The following PIP5K1A variants were observed in gnomAD, a reference collection of about 807,000 sequenced individuals.
PIP5K1A encodes the protein phosphatidylinositol-4-phosphate 5-kinase type 1 alpha, also known as phosphatidylinositol 4-phosphate 5-kinase type-1 alpha.
A neutral mutation model predicts 72.9 loss-of-function variants in PIP5K1A; 46 were observed. That is an observed-to-expected ratio of 0.63 (90% confidence interval 0.50 to 0.81). PIP5K1A has a LOEUF of 0.81. Ranked by LOEUF, PIP5K1A falls within the 30% of genes least tolerant of loss-of-function variation. The pLI, the probability that PIP5K1A is intolerant of heterozygous loss-of-function variation, is 0.00. For missense variants in PIP5K1A, 458 were observed against 706.1 expected, an observed-to-expected ratio of 0.65 and a Z score of 3.98; for synonymous variants, 228 against 255.1, an observed-to-expected ratio of 0.89 and a Z score of 1.01.
intron 1 of PIP5K1A, among the ~76,000 whole-genome samples, chr1:151,212,263 A>C (rs78687832): frequency 0.016 from 2,364 of 152,302 alleles, 70 homozygotes; most frequent in African/African-American, 0.054. Context: ...AAACCATCTT[A>C]AAGTTCAGCT....
rs893371029 is a variant in PIP5K1A at position 151,209,728 on chromosome 1, C to T, written c.85+10647C>T. On this transcript the variant is annotated intron_variant, in intron 1 of 15. Transcript: ENST00000368888. The stretch of plus-strand genomic sequence containing the variant: ...TGCTGGGATTACAGGTGTGAGCCAC[C>T]GTGCCCCGCCTGTATTGTTAGTAGA... 5.4e-5 allele frequency among the ~76,000 whole-genome samples: 8 copies of T among 149,362 alleles called. 1 individual carries two copies. Among genetic ancestry groups the T allele is most frequent in the African/African-American group, 1.2e-4 (5 of 40,562 alleles).
chr1:151,247,659 C>T (rs934525652), intron 15 of PIP5K1A, among the ~76,000 whole-genome samples: 6 of 152,124 alleles, frequency 3.9e-5, no homozygotes, highest in Admixed American at 6.6e-5. Context: ...CTCCTGACCT[C>T]GTGATCCACC....
chr1:151,232,555 C>A lies in PIP5K1A; in HGVS notation c.491C>A (p.Ser164Tyr). ...FGIRPDDYLY[S>Y]LCSEPLIELC... ...GTTCTTCTCTGTTTGCCCCAGTATT[C>A]CCTCTGCAGTGAGCCGCTGATTGAA... Residue 164 changes from serine (S) to tyrosine (Y), a missense_variant, in exon 7 of 16, where the codon TCC becomes TAC. Coordinates refer to ENST00000368888, the MANE Select transcript of PIP5K1A (RefSeq NM_001135638.2). 6.2e-7 allele frequency: 1 copy of A among 1,600,726 alleles called. No individual in the cohort carries two copies. Among genetic ancestry groups the A allele is most frequent in the South Asian group, 1.1e-5 (1 of 89,250 alleles).
intron 1 of PIP5K1A, among the ~76,000 whole-genome samples, chr1:151,210,329 C>T (rs186667447): frequency 6.6e-6 from 1 of 151,294 alleles, no homozygotes; most frequent in South Asian, 2.1e-4. Context: ...CTCAGGATTA[C>T]AGGCATGGGC....
intron 1 of PIP5K1A, chr1:151,215,862 T>TA: frequency 1.8e-6 from 1 of 563,468 alleles, no homozygotes; most frequent in Non-Finnish European, 3.2e-6. Flanking sequence ...GTCCAGTTCA[T>TA]AATTTTAAAC....
chr1:151,215,030 T>C, intron 1 of PIP5K1A, among the ~76,000 whole-genome samples: 1 of 148,842 alleles, frequency 6.7e-6, no homozygotes, highest in Admixed American at 6.7e-5. Context: ...TGCATTCTTT[T>C]TTTTTTTTTT....
chr1:151,234,082 G>T (rs1690516440), intron 7 of PIP5K1A, 115 bp from the exon 8 acceptor site: 1 of 728,564 alleles, frequency 1.4e-6, no homozygotes, highest in Non-Finnish European at 2.4e-6. Context: ...TGGACACATT[G>T]TGTCTAAATC....
At chr1:151,222,887 A>G (rs2102404154) in intron 1 of PIP5K1A, among the ~76,000 whole-genome samples, 1 of 152,290 alleles carries the variant, frequency 6.6e-6, no homozygotes, top group South Asian at 2.1e-4. Context: ...TAAATTGAAA[A>G]TTAAACCTTG....
In PIP5K1A at chr1:151,234,485, C is replaced by G; in HGVS notation, c.928C>G (p.Arg310Gly). The G allele has an allele frequency of 6.2e-7, 1 of 1,613,428 alleles. No individual in the cohort carries two copies. Among genetic ancestry groups the G allele is most frequent in the Non-Finnish European group, 8.5e-7 (1 of 1,179,430 alleles). Residue 310 changes from arginine to glycine, a missense_variant, in exon 8 of 16, where the codon CGT becomes GGT. Arg to Gly is a moderately radical substitution (Grantham distance 125, BLOSUM62 -2). This residue lies in a region of PIP5K1A where 220 missense variants were observed against 442.6 expected (regional missense o/e 0.50). Transcript: ENST00000368888. ...CAACGCTCTCTGTAAGACCCTGCAG[C>G]GTGACTGTTTGGTGAGTTTGTTACT... Reference protein sequence around the residue: ...MYNALCKTLQRDCLVLQSFKI... With the variant: ...MYNALCKTLQGDCLVLQSFKI...
At chr1:151,218,848 A>G in intron 1 of PIP5K1A, among the ~76,000 whole-genome samples, 1 of 151,466 alleles carries the variant, frequency 6.6e-6, no homozygotes, top group Non-Finnish European at 1.5e-5. Flanking sequence ...AAAAAAAAAA[A>G]AAAAAGGCCA....
chr1:151,231,259 C>T (rs1157295420), intron 4 of PIP5K1A, among the ~76,000 whole-genome samples: 2 of 149,908 alleles, frequency 1.3e-5, no homozygotes, highest in East Asian at 1.9e-4. Flanking sequence ...TAGTTACATT[C>T]GATATCAGAT....
At chr1:151,208,894 G>A (rs1055046407) in intron 1 of PIP5K1A, among the ~76,000 whole-genome samples, 1 of 151,206 alleles carries the variant, frequency 6.6e-6, no homozygotes, top group Non-Finnish European at 1.5e-5. Context: ...TACCACGCCC[G>A]GCTAACTTTT....
intron 1 of PIP5K1A, 142 bp from the exon 2 acceptor site, chr1:151,224,103 C>A: frequency 1.3e-6 from 1 of 755,108 alleles, no homozygotes; most frequent in South Asian, 1.5e-5. Context: ...CAGTTGCTAT[C>A]CAAAAGGATC....
chr1:151,238,769 C>T (rs1012723278), intron 10 of PIP5K1A, among the ~76,000 whole-genome samples: 3 of 152,180 alleles, frequency 2.0e-5, no homozygotes, highest in Non-Finnish European at 2.9e-5. Context: ...GAGGACTGGA[C>T]GGTACTTGAT....
intron 11 of PIP5K1A, among the ~76,000 whole-genome samples, chr1:151,239,517 C>A (rs1412622467): frequency 2.6e-5 from 4 of 151,868 alleles, no homozygotes; most frequent in Non-Finnish European, 5.9e-5. Context: ...AAGTGATCCG[C>A]CTACCTTGGC....
In PIP5K1A at chr1:151,198,991, G is replaced by A. The variant is rs754387774; in HGVS notation, c.-6G>A. On this transcript the variant is annotated 5_prime_UTR_variant, in exon 1 of 16. Transcript: ENST00000368888. ...CCAGGCCGCTGAGGGGGAGGGGGCT[G>A]CTAAGATGGCGTCGGCCTCCTCCGG... 2 of 1,613,660 alleles carry A rather than the reference G, an allele frequency of 1.2e-6. No homozygotes were observed. Among genetic ancestry groups the A allele is most frequent in the Non-Finnish European group, 1.7e-6 (2 of 1,179,748 alleles).
At chr1:151,198,005 T>C (rs1684708770), upstream of PIP5K1A, 1 of 469,520 alleles carries the variant, frequency 2.1e-6, no homozygotes, top group African/African-American at 2.0e-5. Flanking sequence ...TTTTGACAGG[T>C]CTTCACTGAT....
At chr1:151,230,916 A>G (rs1689952080) in intron 4 of PIP5K1A, among the ~76,000 whole-genome samples, 1 of 152,228 alleles carries the variant, frequency 6.6e-6, no homozygotes, top group East Asian at 1.9e-4. Context: ...CCAGGCAGTC[A>G]GATCAGAATA....
intron 4 of PIP5K1A, among the ~76,000 whole-genome samples, chr1:151,229,921 A>G (rs1241886177): frequency 6.7e-6 from 1 of 149,330 alleles, no homozygotes; most frequent in African/African-American, 2.4e-5. Context: ...ATCTCTACTA[A>G]AAAAAAAATA....
Sources: allele counts gnomAD v4.1 joint callset (sites outside exome capture counted in the v4.1 genomes callset), GRCh38; gene constraint gnomAD v4.1.1; regional missense constraint gnomAD v4.1.1; transcripts MANE v1.5; gene names NCBI Gene and HGNC (gene_info 2026-07-23, HGNC 2026-07-21).